The following PTPRM variants were observed in gnomAD, a reference collection of about 807,000 sequenced individuals.
PTPRM encodes protein tyrosine phosphatase receptor type M, also known as receptor-type tyrosine-protein phosphatase mu.
Under a neutral mutation model 186.7 loss-of-function variants are expected in PTPRM, and 47 were observed. That is an observed-to-expected ratio of 0.25 (90% CI 0.20 to 0.32). The LOEUF is 0.32. Among genes scored for constraint, PTPRM ranks in the 10% least tolerant of loss-of-function variants. The pLI, the probability that PTPRM is intolerant of heterozygous loss-of-function variation, is 1.00. For missense variants in PTPRM, 1,494 were observed against 1,865.0 expected, an observed-to-expected ratio of 0.80 and a Z score of 3.66; for synonymous variants, 668 against 674.9, an observed-to-expected ratio of 0.99 and a Z score of 0.16.
intron 2 of PTPRM, among the ~76,000 whole-genome samples, chr18:7,777,334 T>A (rs1301423156): frequency 6.6e-6 from 1 of 152,044 alleles, no homozygotes; most frequent in Non-Finnish European, 1.5e-5. Context: ...GTTTTAATAG[T>A]TAAAAAAAAA....
intron 7 of PTPRM, among the ~76,000 whole-genome samples, chr18:7,987,587 T>C (rs2083033128): frequency 6.6e-6 from 1 of 152,064 alleles, no homozygotes; most frequent in South Asian, 2.1e-4. Context: ...GGATAAAGGA[T>C]GGGGAATGGG....
chr18:7,774,035 A>T, intron 1 of PTPRM, 114 bp from the exon 2 acceptor site: 1 of 1,076,178 alleles, frequency 9.3e-7, no homozygotes, highest in Non-Finnish European at 1.4e-6. Context: ...AGACCTAATC[A>T]GATTTAGTTT....
chr18:7,641,132 T>C (rs972778321), intron 1 of PTPRM, among the ~76,000 whole-genome samples: 14 of 152,214 alleles, frequency 9.2e-5, no homozygotes, highest in Non-Finnish European at 1.9e-4. Flanking sequence ...ATTCAGGACC[T>C]GGCTGTGTGT....
intron 22 of PTPRM, among the ~76,000 whole-genome samples, chr18:8,326,765 G>A (rs902674256): frequency 5.3e-5 from 8 of 152,092 alleles, no homozygotes; most frequent in African/African-American, 1.9e-4. Context: ...ATTGAAACTG[G>A]ACCCCTTCCT....
chr18:8,126,706 G>T (rs2092373931), intron 13 of PTPRM, among the ~76,000 whole-genome samples: 1 of 152,152 alleles, frequency 6.6e-6, no homozygotes, highest in South Asian at 2.1e-4. Context: ...TTTGTAAGAT[G>T]AAGATATAAC....
intron 7 of PTPRM, among the ~76,000 whole-genome samples, chr18:7,979,069 A>G (rs574632121): frequency 6.6e-6 from 1 of 152,060 alleles, no homozygotes; most frequent in East Asian, 1.9e-4. Context: ...ATTCCTGGCT[A>G]TATTGAAGCT....
intron 2 of PTPRM, among the ~76,000 whole-genome samples, chr18:7,868,324 C>T (rs947917303): frequency 6.6e-6 from 1 of 152,112 alleles, no homozygotes; most frequent in South Asian, 2.1e-4. Context: ...TCCCCATCTT[C>T]GTTGGTTTAT....
At chr18:7,752,983 A>G (rs565488995) in intron 1 of PTPRM, among the ~76,000 whole-genome samples, 1 of 152,148 alleles carries the variant, frequency 6.6e-6, no homozygotes, top group Admixed American at 6.5e-5. Context: ...TAGGAGTTTA[A>G]TGATTTGGGG....
At chr18:7,796,201 C>T (rs1252770510) in intron 2 of PTPRM, among the ~76,000 whole-genome samples, 3 of 151,820 alleles carry the variant, frequency 2.0e-5, no homozygotes, top group East Asian at 3.9e-4. Flanking sequence ...TGTAAATACA[C>T]ATTAACGGAT....
chr18:7,785,273 TAA>T (rs993528512), intron 2 of PTPRM, among the ~76,000 whole-genome samples: 14 of 152,162 alleles, frequency 9.2e-5, no homozygotes, highest in Admixed American at 8.5e-4. Context: ...AAATTTCTGA[TAA>T]GAGTGTCTCC....
intron 1 of PTPRM, among the ~76,000 whole-genome samples, chr18:7,711,100 C>T (rs150147289): frequency 5.3e-5 from 8 of 152,174 alleles, no homozygotes; most frequent in East Asian, 1.9e-4. Flanking sequence ...ATGCAGAAGG[C>T]GGGTGATTTC....
intron 30 of PTPRM, 146 bp from the exon 31 acceptor site, chr18:8,386,926 A>G: frequency 1.2e-6 from 1 of 811,920 alleles, no homozygotes; most frequent in Admixed American, 2.5e-5. Flanking sequence ...ATAACTCTTC[A>G]GGCCAGCAGA....
intron 2 of PTPRM, among the ~76,000 whole-genome samples, chr18:7,797,704 C>G (rs2043736726): frequency 6.6e-6 from 1 of 151,862 alleles, no homozygotes; most frequent in Non-Finnish European, 1.5e-5. Flanking sequence ...GCTGTGATGA[C>G]AGCAGCAGCA....
chr18:7,896,881 T>C (rs2049389544), intron 3 of PTPRM, among the ~76,000 whole-genome samples: 1 of 152,196 alleles, frequency 6.6e-6, no homozygotes, highest in Non-Finnish European at 1.5e-5. Flanking sequence ...TCTTTTCACA[T>C]TTTGCTGCAA....
intron 2 of PTPRM, among the ~76,000 whole-genome samples, chr18:7,777,213 G>A (rs1265536999): frequency 1.3e-5 from 2 of 152,264 alleles, no homozygotes; most frequent in South Asian, 4.1e-4. Context: ...TATGTATATA[G>A]GTTGGTTCCG....
chr18:8,251,311 A>C (rs1031707603), intron 17 of PTPRM, among the ~76,000 whole-genome samples: 2 of 152,234 alleles, frequency 1.3e-5, no homozygotes, highest in Admixed American at 1.3e-4. Context: ...CAAAACTGAG[A>C]GAACGAGAGA....
At chr18:7,849,191 G>A (rs1482758975) in intron 2 of PTPRM, among the ~76,000 whole-genome samples, 1 of 152,176 alleles carries the variant, frequency 6.6e-6, no homozygotes, top group African/African-American at 2.4e-5. Context: ...GTGATGTTTT[G>A]CTCATTTCAC....
intron 5 of PTPRM, among the ~76,000 whole-genome samples, chr18:7,936,496 C>T (rs775010273): frequency 2.6e-5 from 4 of 152,204 alleles, no homozygotes; most frequent in Non-Finnish European, 5.9e-5. Flanking sequence ...TACATGCCAG[C>T]CCCCTGCCGC....
At position 8,087,410 on chromosome 18, in the gene PTPRM, T is replaced by C. The variant is rs2090488966; in HGVS notation, c.1754-1339T>C. Among the ~76,000 whole-genome samples, 2 of 152,110 alleles carry C rather than the reference T, an allele frequency of 1.3e-5. 1 individual carries two copies. The highest frequency in any genetic ancestry group is 4.2e-4 in the South Asian group (2 of 4,816). On this transcript the variant is annotated intron_variant, in intron 10 of 32. Coordinates refer to ENST00000580170, the MANE Select transcript of PTPRM (RefSeq NM_001105244.2). ...TAACTTATAAAGAAAAGAGGTTTAA[T>C]TTACTCACAGTTCAGCATGGCTGAG...
Sources: gnomAD v4.1 joint callset for allele counts (sites outside exome capture counted in the v4.1 genomes callset) on GRCh38, gnomAD v4.1.1 for gene constraint, MANE v1.5 for transcripts, NCBI Gene and HGNC (gene_info 2026-07-23, HGNC 2026-07-21) for gene names.